ME1: variants seen among roughly 807,000 people sequenced by gnomAD.
ME1 encodes the protein NADP-dependent malic enzyme.
A neutral mutation model predicts 66.4 loss-of-function variants in ME1; 74 were observed. That is an observed-to-expected ratio of 1.11 (90% confidence interval 0.92 to 1.35). The LOEUF is 1.35. Ranked by LOEUF, ME1 falls within the 40% of genes most tolerant of loss-of-function variation. ME1 has a pLI of 0.00. For missense variants in ME1, 750 were observed against 694.1 expected, an observed-to-expected ratio of 1.08 and a Z score of -0.90; for synonymous variants, 251 against 235.6, an observed-to-expected ratio of 1.07 and a Z score of -0.60.
intron 6 of ME1, among the ~76,000 whole-genome samples, chr6:83,296,322 C>T (rs1322590953): frequency 2.6e-5 from 4 of 152,140 alleles, no homozygotes; most frequent in Non-Finnish European, 4.4e-5. Context: ...TACTCCACTA[C>T]GATCAAGTAG....
At chr6:83,348,376 T>C (rs2128544083) in intron 4 of ME1, among the ~76,000 whole-genome samples, 1 of 152,330 alleles carries the variant, frequency 6.6e-6, no homozygotes, top group Admixed American at 6.5e-5. Flanking sequence ...GTTGATAATA[T>C]ATACTTTTAT....
chr6:83,224,289 T>C (rs1446011281), intron 11 of ME1, among the ~76,000 whole-genome samples: 1 of 152,174 alleles, frequency 6.6e-6, no homozygotes, highest in Non-Finnish European at 1.5e-5. Context: ...GATGGGCTAA[T>C]ATTTAAGTAT....
At chr6:83,381,311 T>G (rs776549865) in intron 3 of ME1, among the ~76,000 whole-genome samples, 4 of 152,066 alleles carry the variant, frequency 2.6e-5, no homozygotes, top group Non-Finnish European at 4.4e-5. Context: ...GATGGATTTG[T>G]ACAGTGAGTA....
chr6:83,236,103 C>G (rs1790399891), intron 9 of ME1, among the ~76,000 whole-genome samples: 1 of 151,574 alleles, frequency 6.6e-6, no homozygotes, highest in African/African-American at 2.4e-5. Flanking sequence ...TATTATGAAT[C>G]CTTTACCATG....
intron 6 of ME1, among the ~76,000 whole-genome samples, chr6:83,310,112 T>C (rs747056852): frequency 2.6e-5 from 4 of 152,136 alleles, no homozygotes; most frequent in Non-Finnish European, 4.4e-5. Flanking sequence ...TGAGAAATTA[T>C]GCTGAATATC....
At chr6:83,295,549 G>C (rs1037035224) in intron 6 of ME1, among the ~76,000 whole-genome samples, 1 of 151,598 alleles carries the variant, frequency 6.6e-6, no homozygotes, top group Non-Finnish European at 1.5e-5. Context: ...CACTCTTGTC[G>C]CCCAGGCTGG....
chr6:83,377,453 C>T (rs1769315882), intron 3 of ME1, among the ~76,000 whole-genome samples: 1 of 152,066 alleles, frequency 6.6e-6, no homozygotes, highest in Non-Finnish European at 1.5e-5. Context: ...TCAAAAATGT[C>T]TTTTCAGAAA....
chr6:83,283,063 C>T (rs1767329903), intron 6 of ME1, among the ~76,000 whole-genome samples: 2 of 149,946 alleles, frequency 1.3e-5, no homozygotes, highest in African/African-American at 4.9e-5. Context: ...CCCGTCTCTA[C>T]TAAAAATACA....
At chr6:83,267,883 G>A (rs1321755680) in intron 6 of ME1, among the ~76,000 whole-genome samples, 2 of 152,116 alleles carry the variant, frequency 1.3e-5, no homozygotes, top group Non-Finnish European at 2.9e-5. Flanking sequence ...TATGATATTT[G>A]ATAGTCATTT....
intron 1 of ME1, among the ~76,000 whole-genome samples, chr6:83,411,317 T>C (rs1200408147): frequency 6.6e-6 from 1 of 151,946 alleles, no homozygotes; most frequent in African/African-American, 2.4e-5. Flanking sequence ...TGAGCCGAGA[T>C]TGCGCCACTG....
intron 2 of ME1, among the ~76,000 whole-genome samples, chr6:83,406,811 T>C (rs1007994120): frequency 1.3e-5 from 2 of 152,138 alleles, no homozygotes; most frequent in Admixed American, 1.3e-4. Context: ...AGACCTCCTG[T>C]CTAGCAAAAA....
intron 5 of ME1, among the ~76,000 whole-genome samples, chr6:83,326,722 G>A (rs1439910763): frequency 2.0e-5 from 3 of 152,208 alleles, no homozygotes; most frequent in Non-Finnish European, 4.4e-5. Context: ...TTGTTAAAAA[G>A]TCAGGAAACA....
chr6:83,383,202 T>A (rs900923245), intron 3 of ME1, among the ~76,000 whole-genome samples: 1 of 151,834 alleles, frequency 6.6e-6, no homozygotes, highest in Admixed American at 6.6e-5. Context: ...CTCTTACTAA[T>A]GCAAAGTATT....
At chr6:83,399,414 C>G (rs994253032) in intron 2 of ME1, among the ~76,000 whole-genome samples, 3 of 152,106 alleles carry the variant, frequency 2.0e-5, no homozygotes, top group African/African-American at 7.2e-5. Flanking sequence ...GAGACTTTAT[C>G]CCTATTTTAA....
chr6:83,387,886 C>T (rs1467366746), intron 3 of ME1, among the ~76,000 whole-genome samples: 1 of 152,026 alleles, frequency 6.6e-6, no homozygotes, highest in African/African-American at 2.4e-5. Flanking sequence ...AGATACCATT[C>T]GTGCAGCACA....
intron 2 of ME1, among the ~76,000 whole-genome samples, chr6:83,403,134 T>G (rs1337223141): frequency 6.6e-6 from 1 of 152,222 alleles, no homozygotes; most frequent in African/African-American, 2.4e-5. Context: ...GGATTTGGCA[T>G]CTTCTTTTGA....
chr6:83,397,393 C>G (rs921699412), intron 3 of ME1, among the ~76,000 whole-genome samples: 1 of 152,176 alleles, frequency 6.6e-6, no homozygotes, highest in Admixed American at 6.5e-5. Flanking sequence ...CATCACTAAT[C>G]ATCACAGAAA....
At chr6:83,402,071 G>A (rs138206006) in intron 2 of ME1, among the ~76,000 whole-genome samples, 534 of 152,318 alleles carry the variant, frequency 3.5e-3, no homozygotes, top group Non-Finnish European at 5.6e-3. Flanking sequence ...TAGAGCAAAC[G>A]AAGTGTGGGG....
intron 5 of ME1, among the ~76,000 whole-genome samples, chr6:83,339,988 A>G (rs958250202): frequency 2.2e-5 from 3 of 135,230 alleles, no homozygotes; most frequent in African/African-American, 8.1e-5. Flanking sequence ...AAAAGAAAAG[A>G]AAAGAAATGT....
Sources: allele counts gnomAD v4.1 joint callset (sites outside exome capture counted in the v4.1 genomes callset), GRCh38; gene constraint gnomAD v4.1.1; transcripts MANE v1.5; gene names NCBI Gene and HGNC (gene_info 2026-07-23, HGNC 2026-07-21).